OR10H1: variants seen among roughly 807,000 people sequenced by gnomAD.
OR10H1 encodes the protein olfactory receptor 10H1.
OR10H1 carries 12 observed loss-of-function variants against 13.1 expected under a neutral mutation model. That is an observed-to-expected ratio of 0.92 (90% CI 0.59 to 1.48). The LOEUF (loss-of-function observed/expected upper bound fraction) is 1.48. Among genes scored for constraint, OR10H1 ranks in the 40% most tolerant of loss-of-function variants. The pLI, the probability that OR10H1 is intolerant of heterozygous loss-of-function variation, is 0.00. For synonymous variants in OR10H1, 168 were observed against 175.6 expected (o/e 0.96, Z 0.34); for missense variants, 363 against 413.1 (o/e 0.88, Z 1.05).
Position 15,807,067 on chromosome 19 carries a change from C to T in OR10H1, c.*14G>A. 6.3e-7 allele frequency: 1 copy of T among 1,599,250 alleles called. No homozygotes were observed. Among genetic ancestry groups the T allele is most frequent in the East Asian group, 2.2e-5 (1 of 44,694 alleles). ...CTTCGGTAATCCAATTTAGTTGTTC[C>T]CAGTGAATTTCTCCTACATCATTAC... On this transcript the variant is annotated 3_prime_UTR_variant, in exon 4 of 4. Transcript: ENST00000641419.
At chr19:15,809,599 T>C (rs2144942385) in intron 2 of OR10H1, among the ~76,000 whole-genome samples, 1 of 152,226 alleles carries the variant, frequency 6.6e-6, no homozygotes, top group Non-Finnish European at 1.5e-5. Flanking sequence ...GGCCAATATT[T>C]TGTAAAGTTG....
In OR10H1 at chr19:15,809,411, C is replaced by A. The variant is rs1241087244; in HGVS notation, c.-128-570G>T. 3.3e-5 allele frequency among the ~76,000 whole-genome samples: 5 copies of A among 152,192 alleles called. No homozygotes were observed. The South Asian group carries it at 8.3e-4, about 25-fold the overall frequency. On this transcript the variant is annotated intron_variant, in intron 2 of 3. Coordinates refer to ENST00000641419, the MANE Select transcript of OR10H1 (RefSeq NM_013940.4). The stretch of plus-strand genomic sequence containing the variant: ...ATTCAAGCAATCTTCCTACCTCAGC[C>A]TCCCAAGTAGCTGGGACTACAGGCA...
rs1288094231 is a variant in OR10H1 at position 15,806,452 on chromosome 19, C to T, written c.*629G>A. The stretch of plus-strand genomic sequence containing the variant: ...ATAGGGTCTCACTCTGTCATCCATG[C>T]TAGACTGCAGTGGCACAGTCATAGT... On this transcript the variant is annotated 3_prime_UTR_variant, in exon 4 of 4. Transcript: ENST00000641419. 6.5e-6 allele frequency: 1 copy of T among 152,956 alleles called. No homozygotes were observed. The highest frequency in any genetic ancestry group is 1.9e-4 in the East Asian group (1 of 5,208). 9.5% of individuals were successfully genotyped at this position (152,956 alleles called of 1,614,324 possible).
rs1282132696 is a variant in OR10H1 at position 15,805,134 on chromosome 19, A to G, written c.*1947T>C. On this transcript the variant is annotated 3_prime_UTR_variant, in exon 4 of 4. Coordinates refer to ENST00000641419, the MANE Select transcript of OR10H1 (RefSeq NM_013940.4). ...ATTCTGGATATTAGCCCTTTGTCAG[A>G]TGAGTAGATTGCAAAAATTTTCTCC... 1 of 151,956 alleles carries G rather than the reference A, an allele frequency of 6.6e-6. No homozygotes were observed. Among genetic ancestry groups the G allele is most frequent in the Non-Finnish European group, 1.5e-5 (1 of 67,984 alleles). The allele number at this position is 151,956 out of a possible 1,614,324, so 9.4% of individuals were successfully genotyped here.
chr19:15,809,096 T>C (rs1245338818), intron 2 of OR10H1, among the ~76,000 whole-genome samples: 1 of 151,950 alleles, frequency 6.6e-6, no homozygotes, highest in Non-Finnish European at 1.5e-5. Flanking sequence ...CAGGAGACTG[T>C]GTTGCTCTAA....
intron 2 of OR10H1, among the ~76,000 whole-genome samples, chr19:15,810,860 AAAATAAAATAAAATAAAAATAAAG>A (rs201118485): frequency 0.26 from 38,318 of 148,690 alleles, 5,376 homozygotes; most frequent in South Asian, 0.35. Flanking sequence ...GGCTTTCTCA[AAAATAAAATAAAATAAAAATAAAG>A]AAATAAAATA....
Position 15,807,240 on chromosome 19 carries a change from G to A in OR10H1, c.798C>T (p.Pro266=), listed in dbSNP as rs754310149. Residue 266 remains proline (P), a synonymous_variant, in exon 4 of 4, where the codon CCC becomes CCT. Coordinates refer to ENST00000641419, the MANE Select transcript of OR10H1 (RefSeq NM_013940.4). ...ASVIYLKPKS[P]QSLEGDTLMG... Reference sequence around the variant, plus strand: ...TCAAGGTGTCTCCTTCCAGAGACTGGGGACTTTTGGGCTTCAGGTAAATGA... The same window carrying A: ...TCAAGGTGTCTCCTTCCAGAGACTGAGGACTTTTGGGCTTCAGGTAAATGA... 6.2e-7 allele frequency: 1 copy of A among 1,614,116 alleles called. No homozygotes were observed.
chr19:15,811,181 C>T (rs76959893), intron 2 of OR10H1, among the ~76,000 whole-genome samples: 13 of 152,082 alleles, frequency 8.5e-5, no homozygotes, highest in Non-Finnish European at 1.9e-4. Flanking sequence ...AGTACTTGCC[C>T]GTAGCTCCAC....
intron 1 of OR10H1, among the ~76,000 whole-genome samples, chr19:15,815,195 G>A (rs1004868317): frequency 5.5e-4 from 83 of 152,024 alleles, no homozygotes; most frequent in Admixed American, 5.4e-3. Flanking sequence ...CAAAAAATTA[G>A]CCAGGCATGG....
Position 15,806,968 on chromosome 19 carries a change from C to A in OR10H1, c.*113G>T, listed in dbSNP as rs1413230838. ...TCTCAAACTCCTGACCTCAGGTGAT[C>A]CGCCTGCCTCGGCCTCCCAAAGTGC... On this transcript the variant is annotated 3_prime_UTR_variant, in exon 4 of 4. Transcript: ENST00000641419. 1.0e-6 allele frequency: 1 copy of A among 970,350 alleles called. No homozygotes were observed. The highest frequency in any genetic ancestry group is 1.6e-6 in the Non-Finnish European group (1 of 641,812). The allele number at this position is 970,350 out of a possible 1,614,324, so 60.1% of individuals were successfully genotyped here. A position where few individuals can be genotyped will look rare whatever the true frequency, so the allele number is the denominator to read the frequency against.
At chr19:15,809,994 A>T (rs1333831929) in intron 2 of OR10H1, among the ~76,000 whole-genome samples, 3 of 151,988 alleles carry the variant, frequency 2.0e-5, no homozygotes, top group South Asian at 2.1e-4. Flanking sequence ...TCTCTTTTTT[A>T]AAAAATTTGG....
chr19:15,808,049 C>T lies in OR10H1; in HGVS notation c.-11-1G>A. The T allele has an allele frequency of 6.2e-7, 1 of 1,600,952 alleles. No individual in the cohort carries two copies. The highest frequency in any genetic ancestry group is 1.1e-5 in the South Asian group (1 of 90,056). On this transcript the variant is annotated splice_acceptor_variant, in intron 3 of 3. Coordinates refer to ENST00000641419, the MANE Select transcript of OR10H1 (RefSeq NM_013940.4). LOFTEE classifies it low-confidence loss of function (5UTR_SPLICE). ...TTGGCTCTCTGCATGGAGGCTGTGC[C>T]TGGGGTGAGATGTGACAGGGAGATG...
Position 15,808,465 on chromosome 19 carries a change from C to T in OR10H1, c.-12+260G>A, listed in dbSNP as rs561162177. On this transcript the variant is annotated intron_variant, in intron 3 of 3. Coordinates refer to ENST00000641419, the MANE Select transcript of OR10H1 (RefSeq NM_013940.4). ...CACTTTGGAGGCTAAGGGGGAAGGA[C>T]GGCTTGAGCCCAAGAGTTTGAGGTT... Among the ~76,000 whole-genome samples, 8 of 152,214 alleles carry T rather than the reference C, an allele frequency of 5.3e-5. No individual in the cohort carries two copies. The South Asian group carries it at 1.0e-3, about 20-fold the overall frequency.
rs1034206637 is a variant in OR10H1 at position 15,805,002 on chromosome 19, T to C, written c.*2079A>G. The C allele has an allele frequency of 6.6e-6, 1 of 152,274 alleles. No individual in the cohort carries two copies. Among genetic ancestry groups the C allele is most frequent in the Non-Finnish European group, 1.5e-5 (1 of 68,052 alleles). 9.4% of individuals were successfully genotyped at this position (152,274 alleles called of 1,614,324 possible). ...GACGAGCATTTTTTCATATGTTTTT[T>C]GGCTGCATAAATGTCTTCTTTTGAG... is the stretch of plus-strand genomic sequence containing the variant. On this transcript the variant is annotated 3_prime_UTR_variant, in exon 4 of 4. Transcript: ENST00000641419.
intron 1 of OR10H1, among the ~76,000 whole-genome samples, chr19:15,814,470 TGTGTGTGTGTGAGAGAGAGAGAGA>T (rs1210592325): frequency 4.2e-4 from 23 of 54,632 alleles, no homozygotes; most frequent in South Asian, 1.0e-3. Context: ...TGTGTGTGTG[TGTGTGTGTGTGAGAGAGAGAGAGA>T]GAGAGAGAGA....
chr19:15,808,169 C>T, intron 3 of OR10H1, 121 bp from the exon 4 acceptor site: 1 of 748,228 alleles, frequency 1.3e-6, no homozygotes, highest in Admixed American at 2.7e-5. Flanking sequence ...CATTCCCACT[C>T]TGTACCTCCT....
chr19:15,809,125 T>C (rs1160453930), intron 2 of OR10H1, among the ~76,000 whole-genome samples: 1 of 152,130 alleles, frequency 6.6e-6, no homozygotes. Flanking sequence ...CCAGAAATCA[T>C]GCTTTGGTTG....
In OR10H1 at chr19:15,807,414, C is replaced by G; in HGVS notation, c.624G>C (p.Leu208=). The G allele has an allele frequency of 6.2e-7, 1 of 1,614,216 alleles. No homozygotes were observed. The highest frequency in any genetic ancestry group is 8.5e-7 in the Non-Finnish European group (1 of 1,180,046). The change falls in exon 4 of 4, where the codon CTG becomes CTC. Residue 208 remains leucine (L), a synonymous_variant. Coordinates refer to ENST00000641419, the MANE Select transcript of OR10H1 (RefSeq NM_013940.4). ...KGVGLVCITA[L]LGCFLLILLS... ...GGAGGATGAGGAGAAAACAGCCCAG[C>G]AGGGCCGTGATACACACCAAGCCCA...
At chr19:15,813,440 AAGAGAGAGATGGGGAT>A (rs375262256) in intron 1 of OR10H1, among the ~76,000 whole-genome samples, 2,442 of 150,004 alleles carry the variant, frequency 0.016, 71 homozygotes, top group African/African-American at 0.056. Flanking sequence ...TAGGAAGAGA[AAGAGAGAGATGGGGAT>A]AGAGAGAGAG....
Sources: gnomAD v4.1 joint callset for allele counts (sites outside exome capture counted in the v4.1 genomes callset) on GRCh38, gnomAD v4.1.1 for gene constraint, MANE v1.5 for transcripts, NCBI Gene and HGNC (gene_info 2026-07-23, HGNC 2026-07-21) for gene names.